Variants in KCNH8 observed in about 807,000 individuals in gnomAD.
The protein encoded by KCNH8 is potassium voltage-gated channel subfamily H member 8.
Under a neutral mutation model 103.6 loss-of-function variants are expected in KCNH8, and 70 were observed. The observed-to-expected ratio is 0.68, with a 90% CI of 0.56 to 0.82. The LOEUF (loss-of-function observed/expected upper bound fraction) is 0.82. Among genes scored for constraint, KCNH8 ranks in the 40% least tolerant of loss-of-function variants. The pLI is 0.00. For missense variants in KCNH8, 1,217 were observed against 1,329.9 expected, an observed-to-expected ratio of 0.92 and a Z score of 1.32; for synonymous variants, 498 against 489.4, an observed-to-expected ratio of 1.02 and a Z score of -0.23.
At chr3:19,314,607 A>T (rs1575520051) in intron 3 of KCNH8, among the ~76,000 whole-genome samples, 1 of 151,702 alleles carries the variant, frequency 6.6e-6, no homozygotes, top group Non-Finnish European at 1.5e-5. Context: ...CAAACAAAAA[A>T]CCCCACAGTA....
intron 3 of KCNH8, among the ~76,000 whole-genome samples, chr3:19,292,905 G>A (rs2064948236): frequency 6.6e-6 from 1 of 152,114 alleles, no homozygotes; most frequent in South Asian, 2.1e-4. Context: ...CTGTCAACAT[G>A]TCATTTACCA....
At chr3:19,486,450 G>C (rs1437312846) in intron 11 of KCNH8, among the ~76,000 whole-genome samples, 1 of 152,204 alleles carries the variant, frequency 6.6e-6, no homozygotes, top group African/African-American at 2.4e-5. Flanking sequence ...TCTGCTTCTT[G>C]TGCTAACAGG....
At chr3:19,387,666 C>T (rs1269502083) in intron 5 of KCNH8, among the ~76,000 whole-genome samples, 1 of 151,986 alleles carries the variant, frequency 6.6e-6, no homozygotes, top group Non-Finnish European at 1.5e-5. Context: ...ACCTAGAAAT[C>T]TTAGAAAATA....
intron 3 of KCNH8, among the ~76,000 whole-genome samples, chr3:19,314,646 T>C (rs1325069953): frequency 6.6e-6 from 1 of 151,970 alleles, no homozygotes; most frequent in Admixed American, 6.6e-5. Flanking sequence ...GCAGGACAGC[T>C]GCCATAGACA....
chr3:19,187,736 T>C (rs995483794), intron 1 of KCNH8, among the ~76,000 whole-genome samples: 1 of 152,134 alleles, frequency 6.6e-6, no homozygotes, highest in Non-Finnish European at 1.5e-5. Context: ...GTTAACTATA[T>C]AAATATGAGT....
Position 19,266,913 on chromosome 3 carries a change from A to G in KCNH8, c.310+13026A>G, listed in dbSNP as rs376988428. Reference sequence around the variant, plus strand: ...ATATTTTATTTTTCTCTCCTTAGAGAACATATTTCAATTCTCTGTCTTACA... The same window carrying G: ...ATATTTTATTTTTCTCTCCTTAGAGGACATATTTCAATTCTCTGTCTTACA... On this transcript the variant is annotated intron_variant, in intron 2 of 15. Transcript: ENST00000328405. Among the ~76,000 whole-genome samples the G allele has an allele frequency of 2.0e-5, 3 of 152,012 alleles. No homozygotes were observed. In the South Asian group the frequency reaches 6.2e-4, roughly 31 times the overall value.
intron 1 of KCNH8, among the ~76,000 whole-genome samples, chr3:19,165,619 T>TA (rs1445565780): frequency 6.6e-6 from 1 of 152,196 alleles, no homozygotes; most frequent in African/African-American, 2.4e-5. Context: ...AGTAACCTAC[T>TA]AAATACTGTT....
intron 1 of KCNH8, among the ~76,000 whole-genome samples, chr3:19,243,969 G>A (rs2064173680): frequency 6.6e-6 from 1 of 152,080 alleles, no homozygotes; most frequent in African/African-American, 2.4e-5. Flanking sequence ...TTGCCTTTCA[G>A]TAGGCCAAAT....
At chr3:19,364,563 G>A (rs772238275) in intron 5 of KCNH8, among the ~76,000 whole-genome samples, 1 of 152,048 alleles carries the variant, frequency 6.6e-6, no homozygotes, top group African/African-American at 2.4e-5. Flanking sequence ...CTAAGCCTGC[G>A]TATATAGCAA....
chr3:19,212,010 AAGATTAGAAAGACT>A (rs2063776017), intron 1 of KCNH8, among the ~76,000 whole-genome samples: 1 of 152,176 alleles, frequency 6.6e-6, no homozygotes, highest in Non-Finnish European at 1.5e-5. Context: ...TAGCCAGAAT[AAGATTAGAAAGACT>A]GGTTGGTTGT....
intron 3 of KCNH8, among the ~76,000 whole-genome samples, chr3:19,320,138 G>A (rs1043632781): frequency 6.6e-6 from 1 of 151,888 alleles, no homozygotes; most frequent in African/African-American, 2.4e-5. Flanking sequence ...TACTGATTTG[G>A]ATGCCCTTAA....
chr3:19,207,118 A>G (rs1416296609), intron 1 of KCNH8, among the ~76,000 whole-genome samples: 1 of 152,024 alleles, frequency 6.6e-6, no homozygotes, highest in Non-Finnish European at 1.5e-5. Flanking sequence ...GTAGAAAAGC[A>G]AAACAAGTGG....
intron 1 of KCNH8, among the ~76,000 whole-genome samples, chr3:19,171,498 T>A (rs532135406): frequency 6.6e-6 from 1 of 152,244 alleles, no homozygotes; most frequent in Non-Finnish European, 1.5e-5. Context: ...CTTTTAAGGG[T>A]TGATGAACAT....
intron 3 of KCNH8, among the ~76,000 whole-genome samples, chr3:19,285,442 C>T (rs2064817638): frequency 1.3e-5 from 2 of 152,078 alleles, no homozygotes; most frequent in Non-Finnish European, 2.9e-5. Flanking sequence ...ATATCTCCTA[C>T]ATTTGTTATA....
At chr3:19,324,970 G>A (rs1480758897) in intron 3 of KCNH8, among the ~76,000 whole-genome samples, 1 of 152,134 alleles carries the variant, frequency 6.6e-6, no homozygotes, top group Non-Finnish European at 1.5e-5. Context: ...GAAGAGCATG[G>A]TACTGATGTA....
At chr3:19,154,222 A>C (rs2063158672) in intron 1 of KCNH8, among the ~76,000 whole-genome samples, 1 of 152,130 alleles carries the variant, frequency 6.6e-6, no homozygotes, top group Non-Finnish European at 1.5e-5. Context: ...TAGGTGCAAA[A>C]ACAATATTCT....
chr3:19,256,968 A>G (rs1297852715), intron 2 of KCNH8, among the ~76,000 whole-genome samples: 1 of 152,090 alleles, frequency 6.6e-6, no homozygotes, highest in Non-Finnish European at 1.5e-5. Flanking sequence ...GAGCTTTTGA[A>G]GGCACATTTC....
intron 8 of KCNH8, 57 bp from the exon 9 acceptor site, chr3:19,450,049 C>T (rs973676064): frequency 4.5e-5 from 63 of 1,392,982 alleles, no homozygotes; most frequent in Admixed American, 5.3e-5. Flanking sequence ...TTTAGATTTA[C>T]GTGGTGGGCC....
At chr3:19,323,188 G>A (rs576289079) in intron 3 of KCNH8, among the ~76,000 whole-genome samples, 10 of 152,168 alleles carry the variant, frequency 6.6e-5, no homozygotes, top group East Asian at 5.8e-4. Context: ...GGTGGCTCAC[G>A]CCTGTAATCC....
Sources: gnomAD v4.1 joint callset for allele counts (sites outside exome capture counted in the v4.1 genomes callset) on GRCh38, gnomAD v4.1.1 for gene constraint, MANE v1.5 for transcripts, NCBI Gene and HGNC (gene_info 2026-07-23, HGNC 2026-07-21) for gene names.